NCAM2: variants seen among roughly 807,000 people sequenced by gnomAD.
The protein encoded by NCAM2 is N-CAM-2.
In NCAM2, 30 loss-of-function variants were observed where a neutral mutation model predicts 98.1. The observed-to-expected ratio is 0.31, with a 90% CI of 0.23 to 0.41. The LOEUF (loss-of-function observed/expected upper bound fraction) is 0.41. Ranked by LOEUF, NCAM2 falls within the 10% of genes least tolerant of loss-of-function variation. The probability of loss-of-function intolerance (pLI) is 1.00; values close to 1 mark genes in which losing one functional copy is unlikely to be tolerated. For missense variants in NCAM2, 867 were observed against 1,005.8 expected, an observed-to-expected ratio of 0.86 and a Z score of 1.87; for synonymous variants, 368 against 342.4, an observed-to-expected ratio of 1.07 and a Z score of -0.83.
At position 21,459,616 on chromosome 21, in the gene NCAM2, A is replaced by T. The variant is rs118122974; in HGVS notation, c.1655-6990A>T. 3.8e-4 allele frequency among the ~76,000 whole-genome samples: 57 copies of T among 150,538 alleles called. No homozygotes were observed. The East Asian group carries it at 0.011, about 28-fold the overall frequency. On this transcript the variant is annotated intron_variant, in intron 12 of 17. Coordinates refer to ENST00000400546, the MANE Select transcript of NCAM2 (RefSeq NM_004540.5). ...ATATACATTATTTATATGTACACAC[A>T]TATGTATATAGACATAAAAAAGAAT...
At chr21:21,363,486 G>A (rs1157192153) in intron 8 of NCAM2, among the ~76,000 whole-genome samples, 1 of 152,054 alleles carries the variant, frequency 6.6e-6, no homozygotes, top group Admixed American at 6.6e-5. Flanking sequence ...GAAAAAGGCT[G>A]TTTCTCATCA....
At chr21:21,466,032 A>C (rs560598615) in intron 12 of NCAM2, among the ~76,000 whole-genome samples, 1 of 152,214 alleles carries the variant, frequency 6.6e-6, no homozygotes, top group African/African-American at 2.4e-5. Context: ...GTAAATGAGA[A>C]GAAACTCAGA....
chr21:21,467,710 G>C (rs1182172209), intron 13 of NCAM2, among the ~76,000 whole-genome samples: 1 of 151,502 alleles, frequency 6.6e-6, no homozygotes, highest in Non-Finnish European at 1.5e-5. Context: ...GAATCAGCTG[G>C]GTGTGGTGGT....
rs1233290948 is a variant in NCAM2 at position 21,007,818 on chromosome 21, C to T, written c.55+9200C>T. On this transcript the variant is annotated intron_variant, in intron 1 of 17. Coordinates refer to ENST00000400546, the MANE Select transcript of NCAM2 (RefSeq NM_004540.5). ...TGTATCTCGTGCCAACCTCCTATCT[C>T]ATCCTGTGACTTAGAATGCCTAATC... Among the ~76,000 whole-genome samples, 3 of 152,250 alleles carry T rather than the reference C, an allele frequency of 2.0e-5. No individual in the cohort carries two copies. In the East Asian group the frequency reaches 5.8e-4, roughly 29 times the overall value.
rs2068136907 is a variant in NCAM2 at position 21,171,880 on chromosome 21, AATTATGCTTATTAGT to A, written c.56-108695_56-108681del. Reference sequence around the variant, plus strand: ...TTCGCTTGGTAGGTTAAATGGAAGGAATTATGCTTATTAGTATAGTGCTATAGCTTGCACATTATT... The same window carrying A: ...TTCGCTTGGTAGGTTAAATGGAAGGAATAGTGCTATAGCTTGCACATTATT... On this transcript the variant is annotated intron_variant, in intron 1 of 17. Transcript: ENST00000400546. Among the ~76,000 whole-genome samples the A allele has an allele frequency of 2.0e-5, 3 of 152,232 alleles. No homozygotes were observed. The South Asian group carries it at 6.2e-4, about 32-fold the overall frequency.
intron 1 of NCAM2, among the ~76,000 whole-genome samples, chr21:21,072,957 A>G (rs2065603661): frequency 6.6e-6 from 1 of 151,826 alleles, no homozygotes; most frequent in Admixed American, 6.6e-5. Context: ...GAAACTTCAT[A>G]CCCATTAAGC....
At chr21:21,030,256 G>C (rs936480046) in intron 1 of NCAM2, among the ~76,000 whole-genome samples, 8 of 152,100 alleles carry the variant, frequency 5.3e-5, no homozygotes, top group Non-Finnish European at 1.0e-4. Flanking sequence ...GATGATGAAA[G>C]CAATTCTCAG....
chr21:21,290,411 C>G (rs144419014), intron 4 of NCAM2, among the ~76,000 whole-genome samples: 2 of 151,900 alleles, frequency 1.3e-5, no homozygotes, highest in African/African-American at 4.8e-5. Context: ...TCAGGAGTTT[C>G]TGGTTATTTC....
intron 15 of NCAM2, among the ~76,000 whole-genome samples, chr21:21,485,418 G>A (rs1043629187): frequency 2.6e-5 from 4 of 152,028 alleles, no homozygotes; most frequent in Admixed American, 1.3e-4. Flanking sequence ...GCAAGCATTA[G>A]AGAGAGAGAA....
chr21:21,485,053 C>T (rs183110986), intron 15 of NCAM2, among the ~76,000 whole-genome samples: 186 of 152,026 alleles, frequency 1.2e-3, no homozygotes, highest in African/African-American at 4.2e-3. Context: ...ACTTTATGAA[C>T]ATTTCTAATA....
intron 1 of NCAM2, chr21:21,223,384 T>C (rs1396761767): frequency 6.6e-6 from 1 of 152,172 alleles, no homozygotes; most frequent in Non-Finnish European, 1.5e-5. Flanking sequence ...TACTCTGCTT[T>C]AAAACTCATT....
intron 1 of NCAM2, among the ~76,000 whole-genome samples, chr21:21,127,875 T>C (rs995909759): frequency 2.6e-5 from 4 of 152,160 alleles, no homozygotes; most frequent in Non-Finnish European, 5.9e-5. Context: ...AATATATACA[T>C]TTAAATTTAA....
intron 9 of NCAM2, among the ~76,000 whole-genome samples, chr21:21,391,383 G>T (rs906854758): frequency 2.0e-5 from 3 of 152,036 alleles, no homozygotes; most frequent in African/African-American, 7.2e-5. Flanking sequence ...GTGCTTATAA[G>T]AAAATATGTG....
chr21:21,087,573 C>T (rs1351564449), intron 1 of NCAM2, among the ~76,000 whole-genome samples: 2 of 152,104 alleles, frequency 1.3e-5, no homozygotes, highest in African/African-American at 4.8e-5. Context: ...TGTAGCTTGC[C>T]CAAAACTCTG....
intron 1 of NCAM2, among the ~76,000 whole-genome samples, chr21:21,199,061 A>G (rs951738612): frequency 6.6e-6 from 1 of 152,172 alleles, no homozygotes; most frequent in African/African-American, 2.4e-5. Flanking sequence ...AAAGTCTTAA[A>G]TGTAACCCAG....
intron 14 of NCAM2, among the ~76,000 whole-genome samples, chr21:21,469,238 A>G (rs1461771663): frequency 2.6e-5 from 4 of 152,040 alleles, no homozygotes; most frequent in African/African-American, 7.2e-5. Flanking sequence ...GAACTTGATG[A>G]AGAGGGAATC....
intron 1 of NCAM2, among the ~76,000 whole-genome samples, chr21:21,122,199 C>T (rs1044190177): frequency 6.6e-5 from 10 of 152,144 alleles, no homozygotes; most frequent in Non-Finnish European, 1.5e-4. Context: ...ATTGTCCATG[C>T]ATAATTTGAT....
chr21:21,149,825 T>C (rs370728469), intron 1 of NCAM2, among the ~76,000 whole-genome samples: 28 of 152,290 alleles, frequency 1.8e-4, no homozygotes, highest in African/African-American at 6.3e-4. Context: ...TGATGGGGCA[T>C]TTGAGTTGGT....
intron 4 of NCAM2, among the ~76,000 whole-genome samples, chr21:21,288,094 A>G (rs530658326): frequency 9.9e-5 from 15 of 152,068 alleles, no homozygotes; most frequent in African/African-American, 3.6e-4. Context: ...CATATATTCT[A>G]AATTACATCT....
Sources: allele counts gnomAD v4.1 joint callset (sites outside exome capture counted in the v4.1 genomes callset), GRCh38; gene constraint gnomAD v4.1.1; transcripts MANE v1.5; gene names NCBI Gene and HGNC (gene_info 2026-07-23, HGNC 2026-07-21).